The following ZNF169 variants were observed in gnomAD, a reference collection of about 807,000 sequenced individuals.
ZNF169 encodes zinc finger protein 169.
ZNF169 carries 11 observed loss-of-function variants against 12.0 expected under a neutral mutation model. The observed-to-expected ratio is 0.92, with a 90% CI of 0.58 to 1.52. The LOEUF (loss-of-function observed/expected upper bound fraction) is 1.52. Ranked by LOEUF, ZNF169 falls within the 40% of genes most tolerant of loss-of-function variation. ZNF169 has a pLI of 0.00. For synonymous variants in ZNF169, 302 were observed against 286.5 expected, an observed-to-expected ratio of 1.05 and a Z score of -0.55; for missense variants, 722 against 744.0, an observed-to-expected ratio of 0.97 and a Z score of 0.34.
intron 2 of ZNF169, among the ~76,000 whole-genome samples, chr9:94,279,340 G>A (rs1830581640): frequency 6.6e-6 from 1 of 151,950 alleles, no homozygotes; most frequent in African/African-American, 2.4e-5. Context: ...GCAGTGAGCT[G>A]AGATCGCGCC....
intron 1 of ZNF169, among the ~76,000 whole-genome samples, chr9:94,262,813 T>C (rs550316870): frequency 6.6e-6 from 1 of 152,298 alleles, no homozygotes; most frequent in East Asian, 1.9e-4. Context: ...TGCTCCCTTT[T>C]ACAGTGAAAG....
chr9:94,288,201 CCT>C (rs1830754599), intron 2 of ZNF169: 2 of 807,260 alleles, frequency 2.5e-6, no homozygotes, highest in Admixed American at 1.7e-5. Flanking sequence ...CTACTTGTAC[CCT>C]GTCTTGATTT....
chr9:94,293,529 T>G (rs974928982), intron 4 of ZNF169: 2 of 246,886 alleles, frequency 8.1e-6, no homozygotes, highest in African/African-American at 4.6e-5. Context: ...TGATTTCTCC[T>G]GCCTCACCCT....
chr9:94,291,834 A>G (rs1258947440), intron 2 of ZNF169, among the ~76,000 whole-genome samples: 1 of 152,258 alleles, frequency 6.6e-6, no homozygotes, highest in Non-Finnish European at 1.5e-5. Context: ...CGGTCTAAAC[A>G]AATGGAGAGA....
chr9:94,273,309 GC>G (rs1262404798), intron 1 of ZNF169, among the ~76,000 whole-genome samples: 3 of 135,428 alleles, frequency 2.2e-5, no homozygotes, highest in African/African-American at 8.1e-5. Flanking sequence ...ATATCATGAA[GC>G]TTTTTCCTAT....
chr9:94,298,320 C>T (rs1166610938), intron 4 of ZNF169, among the ~76,000 whole-genome samples: 1 of 152,168 alleles, frequency 6.6e-6, no homozygotes, highest in South Asian at 2.1e-4. Flanking sequence ...TTATTCACTA[C>T]AGCAAACAAT....
At chr9:94,275,393 C>T (rs1287455722) in intron 1 of ZNF169, among the ~76,000 whole-genome samples, 1 of 152,128 alleles carries the variant, frequency 6.6e-6, no homozygotes. Context: ...ATTTCATCTA[C>T]TTTGGTGAAT....
Position 94,300,259 on chromosome 9 carries a change from A to G in ZNF169, c.701A>G (p.His234Arg). The change falls in exon 5 of 5, where the codon CAT becomes CGT. Residue 234 changes from histidine to arginine, a missense_variant. By Grantham distance (29) the His-to-Arg change is conservative (BLOSUM62 0). Transcript: ENST00000395395. ...KSSLFSHQKH[H>R]VCPECGRGFC... ...AGCCTGTTCAGCCACCAGAAGCATC[A>G]TGTGTGCCCTGAATGCGGGAGAGGC... 6.2e-6 allele frequency: 10 copies of G among 1,614,232 alleles called. No homozygotes were observed. Among genetic ancestry groups the G allele is most frequent in the Non-Finnish European group, 7.6e-6 (9 of 1,180,028 alleles).
At chr9:94,259,878 GTTTA>G (rs1374661448) in intron 1 of ZNF169, among the ~76,000 whole-genome samples, 7 of 150,030 alleles carry the variant, frequency 4.7e-5, no homozygotes, top group Non-Finnish European at 8.9e-5. Flanking sequence ...TTGTTTATTT[GTTTA>G]TTTATTAAAT....
In ZNF169 at chr9:94,275,808, C is replaced by T. The variant is rs572049716; in HGVS notation, c.-55-2950C>T. On this transcript the variant is annotated intron_variant, in intron 1 of 4. Transcript: ENST00000395395. ...TCTGTTTTTTTTTTTTTTTTTGAGA[C>T]AGTCTCACTGTCACCCAGGCTGGAG... Among the ~76,000 whole-genome samples, 4 of 141,300 alleles carry T rather than the reference C, an allele frequency of 2.8e-5. No individual in the cohort carries two copies. In the South Asian group the frequency reaches 6.9e-4, roughly 24 times the overall value. The allele number at this position is 141,300 out of a possible 152,430, so 92.7% of individuals were successfully genotyped here. A position where few individuals can be genotyped will look rare whatever the true frequency, so the allele number is the denominator to read the frequency against.
intron 1 of ZNF169, among the ~76,000 whole-genome samples, chr9:94,265,153 G>A (rs7034579): frequency 0.076 from 11,472 of 150,902 alleles, 599 homozygotes; most frequent in Middle Eastern, 0.13. Context: ...TCCTGTTCCC[G>A]GACCAAACTG....
intron 4 of ZNF169, among the ~76,000 whole-genome samples, chr9:94,296,618 A>G (rs1040029735): frequency 4.6e-5 from 7 of 152,170 alleles, no homozygotes; most frequent in East Asian, 3.8e-4. Context: ...TATTGAAAAC[A>G]CTACCCTTTT....
intron 1 of ZNF169, among the ~76,000 whole-genome samples, chr9:94,275,786 G>GT (rs774781157): frequency 0.085 from 11,056 of 130,484 alleles, 610 homozygotes; most frequent in South Asian, 0.13. Flanking sequence ...TGCACTATCT[G>GT]TTTTTTTTTT....
Position 94,300,644 on chromosome 9 carries a change from C to T in ZNF169, c.1086C>T (p.Leu362=), listed in dbSNP as rs769849514. Reference sequence around the variant, plus strand: ...GCTTTTGCCAGAAGGCATCACTCCTCCAGCACCAGAGCTCACACACAGGGG... The same window carrying T: ...GCTTTTGCCAGAAGGCATCACTCCTTCAGCACCAGAGCTCACACACAGGGG... ...GRGFCQKASL[L]QHQSSHTGER... is the part of the protein sequence containing the mutation. Residue 362 remains leucine, a synonymous_variant, in exon 5 of 5, where the codon CTC becomes CTT. Transcript: ENST00000395395. 8.1e-6 allele frequency: 13 copies of T among 1,614,116 alleles called. No individual in the cohort carries two copies. Among genetic ancestry groups the T allele is most frequent in the South Asian group, 1.1e-5 (1 of 91,080 alleles).
intron 4 of ZNF169, 182 bp downstream of exon 4, chr9:94,293,251 C>T (rs1587687343): frequency 1.6e-6 from 1 of 621,680 alleles, no homozygotes; most frequent in Non-Finnish European, 2.9e-6. Context: ...GGACAGGGCA[C>T]CCCTGGCATT....
At chr9:94,284,160 C>A (rs1320239504) in intron 2 of ZNF169, among the ~76,000 whole-genome samples, 100 of 151,262 alleles carry the variant, frequency 6.6e-4, no homozygotes, top group Non-Finnish European at 1.5e-5. Context: ...CGCAGTGGCT[C>A]ATACCTGTAA....
intron 2 of ZNF169, among the ~76,000 whole-genome samples, chr9:94,282,125 T>C (rs1830650453): frequency 6.6e-6 from 1 of 152,198 alleles, no homozygotes; most frequent in Non-Finnish European, 1.5e-5. Context: ...TTCTTCCTTG[T>C]CTCATAATGT....
At chr9:94,292,297 G>A in intron 2 of ZNF169, 44 bp from the exon 3 acceptor site, 1 of 1,613,476 alleles carries the variant, frequency 6.2e-7, no homozygotes, top group Non-Finnish European at 8.5e-7. Flanking sequence ...TGGTTAGTGG[G>A]CATGGCTGGC....
In ZNF169 at chr9:94,292,333, T is replaced by C; in HGVS notation, c.34-8T>C. 3 of 1,614,142 alleles carry C rather than the reference T, an allele frequency of 1.9e-6. No homozygotes were observed. Among genetic ancestry groups the C allele is most frequent in the Non-Finnish European group, 2.5e-6 (3 of 1,180,038 alleles). On this transcript the variant is annotated splice_region_variant and splice_polypyrimidine_tract_variant and intron_variant, in intron 2 of 4. Coordinates refer to ENST00000395395, the MANE Select transcript of ZNF169 (RefSeq NM_194320.4). ...TGTTGAGTGAGCAGGGATGTGTTTG[T>C]GTTACAGGCATTGATGGCCTTCCGG...
Sources: allele counts gnomAD v4.1 joint callset (sites outside exome capture counted in the v4.1 genomes callset), GRCh38; gene constraint gnomAD v4.1.1; transcripts MANE v1.5; gene names NCBI Gene and HGNC (gene_info 2026-07-23, HGNC 2026-07-21).